The following CREB5 variants were observed in gnomAD, a reference collection of about 807,000 sequenced individuals.
The protein encoded by CREB5 is cyclic AMP-responsive element-binding protein 5.
In CREB5, 19 loss-of-function variants were observed where a neutral mutation model predicts 57.1. The observed-to-expected ratio is 0.33, with a 90% confidence interval of 0.23 to 0.49. CREB5 has a LOEUF of 0.49. CREB5 is among the 20% of genes least tolerant of loss of function. CREB5 has a pLI of 0.99. For synonymous variants in CREB5, 238 were observed against 238.3 expected, an observed-to-expected ratio of 1.00 and a Z score of 0.01; for missense variants, 579 against 671.6, an observed-to-expected ratio of 0.86 and a Z score of 1.52.
chr7:28,369,047 A>AAAAAC (rs1248336184), intron 1 of CREB5, among the ~76,000 whole-genome samples: 10 of 144,718 alleles, frequency 6.9e-5, no homozygotes, highest in African/African-American at 2.3e-4. Context: ...CTTGCCTCAA[A>AAAAAC]AAAACAAAAC....
At chr7:28,300,352 C>T (rs2127978309) in intron 1 of CREB5, among the ~76,000 whole-genome samples, 1 of 152,286 alleles carries the variant, frequency 6.6e-6, no homozygotes, top group East Asian at 1.9e-4. Context: ...TATATGCCGT[C>T]AAGGCAGCTT....
intron 7 of CREB5, among the ~76,000 whole-genome samples, chr7:28,780,056 C>T (rs1806881468): frequency 6.6e-6 from 1 of 152,172 alleles, no homozygotes; most frequent in African/African-American, 2.4e-5. Context: ...GGGCATGAGC[C>T]ACCACGCCCA....
At chr7:28,630,691 A>G (rs1798168623) in intron 5 of CREB5, among the ~76,000 whole-genome samples, 1 of 152,206 alleles carries the variant, frequency 6.6e-6, no homozygotes, top group African/African-American at 2.4e-5. Flanking sequence ...ATTCTGATTA[A>G]GTAGATTTCC....
intron 7 of CREB5, among the ~76,000 whole-genome samples, chr7:28,802,675 T>TATG (rs1256435169): frequency 6.6e-6 from 1 of 152,246 alleles, no homozygotes; most frequent in Non-Finnish European, 1.5e-5. Flanking sequence ...CCCCTCGGGA[T>TATG]ATGATGATAA....
At chr7:28,413,268 A>G (rs1787881324) in intron 1 of CREB5, among the ~76,000 whole-genome samples, 1 of 152,170 alleles carries the variant, frequency 6.6e-6, no homozygotes, top group Non-Finnish European at 1.5e-5. Context: ...TAAGTATTTA[A>G]GTTTTAATAA....
intron 1 of CREB5, among the ~76,000 whole-genome samples, chr7:28,326,205 CTAT>C (rs1562657917): frequency 1.1e-4 from 14 of 124,170 alleles, no homozygotes; most frequent in East Asian, 3.9e-4. Flanking sequence ...ATCTATCTAT[CTAT>C]CTACCTATCT....
At chr7:28,369,744 C>T (rs1786667418) in intron 1 of CREB5, among the ~76,000 whole-genome samples, 1 of 152,214 alleles carries the variant, frequency 6.6e-6, no homozygotes, top group South Asian at 2.1e-4. Flanking sequence ...AGTCCTGCAA[C>T]AGGAGACCAG....
chr7:28,329,749 G>A (rs1380267774), intron 1 of CREB5, among the ~76,000 whole-genome samples: 1 of 152,204 alleles, frequency 6.6e-6, no homozygotes, highest in Non-Finnish European at 1.5e-5. Context: ...ATAATGTGAT[G>A]ATTTATGCCC....
At chr7:28,581,626 A>G (rs1796128065) in intron 5 of CREB5, among the ~76,000 whole-genome samples, 1 of 152,190 alleles carries the variant, frequency 6.6e-6, no homozygotes, top group South Asian at 2.1e-4. Context: ...TCAGACCCTC[A>G]AGAGCTTCCT....
chr7:28,816,765 A>G (rs1345850194), intron 9 of CREB5, among the ~76,000 whole-genome samples: 2 of 152,256 alleles, frequency 1.3e-5, no homozygotes, highest in African/African-American at 4.8e-5. Flanking sequence ...TTGAAAGTGT[A>G]GGTACAACTT....
intron 7 of CREB5, among the ~76,000 whole-genome samples, chr7:28,779,938 A>AT (rs973040112): frequency 6.6e-6 from 1 of 151,546 alleles, no homozygotes; most frequent in African/African-American, 2.4e-5. Context: ...TTTTGTTTTT[A>AT]TTTTTTATAG....
intron 7 of CREB5, among the ~76,000 whole-genome samples, chr7:28,761,724 A>ATGTGTGTGTG (rs3831526): frequency 2.1e-5 from 3 of 146,052 alleles, no homozygotes; most frequent in African/African-American, 7.5e-5. Context: ...GATGTGAGGG[A>ATGTGTGTGTG]TGTGTGTGTG....
chr7:28,715,925 C>A (rs1181462979), intron 5 of CREB5, among the ~76,000 whole-genome samples: 1 of 152,064 alleles, frequency 6.6e-6, no homozygotes, highest in African/African-American at 2.4e-5. Flanking sequence ...TGAGGAAATA[C>A]TTGATATTTT....
intron 1 of CREB5, among the ~76,000 whole-genome samples, chr7:28,451,540 G>C (rs948330869): frequency 1.2e-4 from 18 of 151,510 alleles, no homozygotes; most frequent in African/African-American, 4.1e-4. Context: ...AATTATTCTT[G>C]AGTGAAGCTG....
rs1805808702 is a variant in CREB5, at chr7:28,763,899, G to A, written c.702+39567G>A. Reference sequence around the variant, plus strand: ...ACTGCAGCCTCAAAACCCTGGACTTGAATGATTCTCCCACCTCAGCCTCTC... The same window carrying A: ...ACTGCAGCCTCAAAACCCTGGACTTAAATGATTCTCCCACCTCAGCCTCTC... On this transcript the variant is annotated intron_variant, in intron 7 of 10. Coordinates refer to ENST00000357727, the MANE Select transcript of CREB5 (RefSeq NM_182898.4). Among the ~76,000 whole-genome samples, 3 of 151,796 alleles carry A rather than the reference G, an allele frequency of 2.0e-5. No homozygotes were observed. In the South Asian group the frequency reaches 6.2e-4, roughly 31 times the overall value.
intron 1 of CREB5, among the ~76,000 whole-genome samples, chr7:28,312,516 G>A (rs1785298985): frequency 6.6e-6 from 1 of 152,176 alleles, no homozygotes; most frequent in African/African-American, 2.4e-5. Flanking sequence ...CAAAGGGGGA[G>A]GGAAGCGGGT....
At chr7:28,373,016 G>A (rs555429228) in intron 1 of CREB5, among the ~76,000 whole-genome samples, 1 of 152,258 alleles carries the variant, frequency 6.6e-6, no homozygotes, top group South Asian at 2.1e-4. Flanking sequence ...GCTCTGTTTT[G>A]CTGAGTAGTC....
chr7:28,610,192 C>T (rs535197403), intron 5 of CREB5, among the ~76,000 whole-genome samples: 2 of 152,218 alleles, frequency 1.3e-5, no homozygotes, highest in South Asian at 4.2e-4. Context: ...TCCTGTTCAT[C>T]TTGGGGTTCT....
chr7:28,470,021 C>A (rs1427945665), intron 1 of CREB5, among the ~76,000 whole-genome samples: 1 of 152,160 alleles, frequency 6.6e-6, no homozygotes. Context: ...ATCATCACAT[C>A]ATTGAAGATG....
Sources: allele counts gnomAD v4.1 joint callset (sites outside exome capture counted in the v4.1 genomes callset), GRCh38; gene constraint gnomAD v4.1.1; transcripts MANE v1.5; gene names NCBI Gene and HGNC (gene_info 2026-07-23, HGNC 2026-07-21).